Variants in NRP1 observed in about 807,000 individuals in gnomAD.
NRP1 encodes the protein neuropilin 1, also known as neuropilin-1.
NRP1 carries 35 observed loss-of-function variants against 106.7 expected under a neutral mutation model. The ratio of observed to expected loss-of-function variants is 0.33; its 90% confidence interval spans 0.25 to 0.43. NRP1 has a LOEUF of 0.43. Among genes scored for constraint, NRP1 ranks in the 20% least tolerant of loss-of-function variants. The pLI, the probability that NRP1 is intolerant of heterozygous loss-of-function variation, is 1.00. For synonymous variants in NRP1, 437 were observed against 417.9 expected, an observed-to-expected ratio of 1.05 and a Z score of -0.56; for missense variants, 1,024 against 1,170.4, an observed-to-expected ratio of 0.87 and a Z score of 1.83.
At chr10:33,238,360 C>T (rs560563909) in intron 6 of NRP1, among the ~76,000 whole-genome samples, 1 of 152,336 alleles carries the variant, frequency 6.6e-6, no homozygotes, top group African/African-American at 2.4e-5. Context: ...AGGAGAAGTT[C>T]ATGAGTTCAG....
intron 6 of NRP1, among the ~76,000 whole-genome samples, chr10:33,235,906 TC>T (rs773907521): frequency 1.3e-5 from 2 of 152,246 alleles, no homozygotes; most frequent in Non-Finnish European, 2.9e-5. Context: ...TAAAATATTT[TC>T]CTTCAATTGC....
intron 11 of NRP1, 143 bp from the exon 12 acceptor site, chr10:33,197,852 C>T (rs1395375849): frequency 1.3e-4 from 58 of 443,608 alleles, no homozygotes; most frequent in Non-Finnish European, 8.0e-6. Flanking sequence ...CAATTGTTTC[C>T]CTTCAATTTT....
In NRP1 at chr10:33,326,700, G is replaced by A. The variant is rs374740867; in HGVS notation, c.248+4008C>T. Among the ~76,000 whole-genome samples, 140 of 152,320 alleles carry A rather than the reference G, an allele frequency of 9.2e-4. 1 individual carries two copies. The highest frequency in any genetic ancestry group is 3.2e-3 in the African/African-American group (134 of 41,580). On this transcript the variant is annotated intron_variant, in intron 2 of 16. Transcript: ENST00000374867. ...CTTATTTGTAATGAAACCTCATTCA[G>A]TGCTGGCATAGACACAGAATGTTGC... is the stretch of plus-strand genomic sequence containing the variant.
intron 2 of NRP1, among the ~76,000 whole-genome samples, chr10:33,321,450 A>C (rs1017577433): frequency 2.6e-5 from 4 of 152,340 alleles, no homozygotes; most frequent in South Asian, 4.1e-4. Context: ...AGGGGTTACC[A>C]CATCTAAAAC....
chr10:33,310,010 C>G (rs1191049345), intron 2 of NRP1, among the ~76,000 whole-genome samples: 1 of 151,106 alleles, frequency 6.6e-6, no homozygotes, highest in Non-Finnish European at 1.5e-5. Context: ...TGCAGTGGCG[C>G]GATCTCCGCT....
At chr10:33,262,570 G>A (rs1842644954) in intron 4 of NRP1, among the ~76,000 whole-genome samples, 1 of 151,962 alleles carries the variant, frequency 6.6e-6, no homozygotes, top group Non-Finnish European at 1.5e-5. Flanking sequence ...GAGTGTGGTG[G>A]TGTGCACCTG....
chr10:33,282,926 A>G (rs572212712), intron 2 of NRP1, among the ~76,000 whole-genome samples: 1 of 152,188 alleles, frequency 6.6e-6, no homozygotes, highest in South Asian at 2.1e-4. Flanking sequence ...TTGTATTTTC[A>G]GTAGAGACAG....
chr10:33,217,988 A>G (rs1042490280), intron 8 of NRP1, among the ~76,000 whole-genome samples: 13 of 152,222 alleles, frequency 8.5e-5, no homozygotes, highest in East Asian at 3.8e-4. Context: ...CTGAATGAGC[A>G]TAATTTAATC....
chr10:33,257,283 A>T (rs540488296), intron 4 of NRP1, among the ~76,000 whole-genome samples: 1 of 152,308 alleles, frequency 6.6e-6, no homozygotes, highest in Non-Finnish European at 1.5e-5. Context: ...GCACACCAGG[A>T]AAAAAAGTGG....
chr10:33,259,479 C>T (rs998250528), intron 4 of NRP1, among the ~76,000 whole-genome samples: 3 of 152,174 alleles, frequency 2.0e-5, no homozygotes, highest in African/African-American at 7.2e-5. Context: ...TGTGTATTTA[C>T]ATGAACACAG....
chr10:33,266,805 A>T (rs890402433), intron 3 of NRP1, among the ~76,000 whole-genome samples: 1 of 152,180 alleles, frequency 6.6e-6, no homozygotes, highest in African/African-American at 2.4e-5. Context: ...GTGAGTTCTC[A>T]TGAGAACTGG....
intron 12 of NRP1, among the ~76,000 whole-genome samples, chr10:33,196,943 T>G (rs1226647913): frequency 2.0e-5 from 3 of 152,192 alleles, no homozygotes; most frequent in African/African-American, 7.2e-5. Context: ...TTAAAGTATT[T>G]AAAACCTCTG....
intron 15 of NRP1, among the ~76,000 whole-genome samples, chr10:33,183,724 T>TAAGA (rs1237588965): frequency 6.6e-6 from 1 of 152,256 alleles, no homozygotes; most frequent in Admixed American, 6.5e-5. Flanking sequence ...TTGTTCTATG[T>TAAGA]ATGAATGAAT....
rs745941671 is a variant in NRP1, at chr10:33,186,534, A to C, written c.2063-46T>G. 1.2e-5 allele frequency: 19 copies of C among 1,558,702 alleles called. No individual in the cohort carries two copies. In the East Asian group the frequency reaches 2.7e-4, roughly 22 times the overall value. On this transcript the variant is annotated intron_variant, in intron 13 of 16. Coordinates refer to ENST00000374867, the MANE Select transcript of NRP1 (RefSeq NM_003873.7). ...GTTAGGGAGAGTGGCCAGGATTACC[A>C]CACTTTTATCTCTCTTCTTTCAAGT... is the stretch of plus-strand genomic sequence containing the variant.
chr10:33,197,538 CTG>C (rs957953878), intron 12 of NRP1, 110 bp downstream of exon 12: 23 of 677,746 alleles, frequency 3.4e-5, no homozygotes, highest in Non-Finnish European at 4.4e-5. Flanking sequence ...AGACCAGATG[CTG>C]TGTGGCATCT....
chr10:33,295,583 C>A (rs1347790504), intron 2 of NRP1, among the ~76,000 whole-genome samples: 1 of 152,130 alleles, frequency 6.6e-6, no homozygotes. Flanking sequence ...GTGGTGCACA[C>A]CTGTAGTCCC....
intron 13 of NRP1, among the ~76,000 whole-genome samples, chr10:33,189,740 C>T (rs929618443): frequency 2.0e-5 from 3 of 152,184 alleles, no homozygotes; most frequent in Non-Finnish European, 4.4e-5. Flanking sequence ...AGCTAGTGTT[C>T]ATTTTCTTTT....
chr10:33,178,080 T>C lies in NRP1; in HGVS notation c.*1996A>G, dbSNP rs1460632288. On this transcript the variant is annotated 3_prime_UTR_variant, in exon 17 of 17. Coordinates refer to ENST00000374867, the MANE Select transcript of NRP1 (RefSeq NM_003873.7). Reference sequence around the variant, plus strand: ...GGATTATATCAACTAAATGAATGTCTCTGGGGACAAAAAACTATTCTTCTT... The same window carrying C: ...GGATTATATCAACTAAATGAATGTCCCTGGGGACAAAAAACTATTCTTCTT... 6.6e-6 allele frequency: 1 copy of C among 152,596 alleles called. No individual in the cohort carries two copies. The highest frequency in any genetic ancestry group is 6.5e-5 in the Admixed American group (1 of 15,274). The allele number at this position is 152,596 out of a possible 1,614,324, so 9.5% of individuals were successfully genotyped here.
At chr10:33,229,743 G>A (rs1839956069) in intron 6 of NRP1, among the ~76,000 whole-genome samples, 1 of 152,138 alleles carries the variant, frequency 6.6e-6, no homozygotes, top group South Asian at 2.1e-4. Flanking sequence ...GCAATTGACT[G>A]GAATTAACTA....
Sources: allele counts gnomAD v4.1 joint callset (sites outside exome capture counted in the v4.1 genomes callset), GRCh38; gene constraint gnomAD v4.1.1; transcripts MANE v1.5; gene names NCBI Gene and HGNC (gene_info 2026-07-23, HGNC 2026-07-21).